Variants in TMEM123 observed in about 807,000 individuals in gnomAD.
TMEM123 encodes the protein transmembrane protein 123.
Under a neutral mutation model 19.7 loss-of-function variants are expected in TMEM123, and 16 were observed. The observed-to-expected ratio is 0.81, with a 90% confidence interval of 0.55 to 1.23. TMEM123 has a LOEUF of 1.23. TMEM123 is among the 50% of genes most tolerant of loss of function. The pLI, the probability that TMEM123 is intolerant of heterozygous loss-of-function variation, is 0.00. For synonymous variants in TMEM123, 118 were observed against 99.4 expected (o/e 1.19, Z -1.12); for missense variants, 313 against 257.8 (o/e 1.21, Z -1.47).
In TMEM123 at chr11:102,418,627, G is replaced by T. The variant is rs536560325; in HGVS notation, c.158-16421C>A. 6.9e-4 allele frequency among the ~76,000 whole-genome samples: 105 copies of T among 152,214 alleles called. 1 individual carries two copies. The highest frequency in any genetic ancestry group is 1.4e-3 in the Non-Finnish European group (93 of 68,024). ...AAGATTTCACAAAGAACTTACAATA[G>T]AACTACCATTTGACCTAGCAATCCC... On this transcript the variant is annotated intron_variant, in intron 2 of 4. Transcript: ENST00000398136.
At chr11:102,435,120 G>C (rs575828533) in intron 2 of TMEM123, among the ~76,000 whole-genome samples, 1 of 151,938 alleles carries the variant, frequency 6.6e-6, no homozygotes, top group African/African-American at 2.4e-5. Flanking sequence ...CAGAAGGATT[G>C]CTTGAGCCCA....
intron 2 of TMEM123, among the ~76,000 whole-genome samples, chr11:102,402,973 C>T (rs12290870): frequency 0.011 from 1,708 of 152,206 alleles, 33 homozygotes; most frequent in African/African-American, 0.039. Flanking sequence ...ATAATGTAAA[C>T]AGAAACATAT....
chr11:102,450,337 A>T (rs531375474), intron 1 of TMEM123, among the ~76,000 whole-genome samples: 1 of 152,178 alleles, frequency 6.6e-6, no homozygotes, highest in Non-Finnish European at 1.5e-5. Context: ...TTCTTTCCAC[A>T]GTTGTTCAAG....
chr11:102,401,427 A>G (rs1396507110), intron 4 of TMEM123, 112 bp downstream of exon 4: 1 of 1,037,322 alleles, frequency 9.6e-7, no homozygotes, highest in African/African-American at 1.7e-5. Flanking sequence ...AATATAACTC[A>G]TAAATCTATC....
intron 2 of TMEM123, among the ~76,000 whole-genome samples, chr11:102,414,002 A>G (rs186919758): frequency 1.2e-4 from 19 of 152,330 alleles, no homozygotes; most frequent in Admixed American, 5.2e-4. Flanking sequence ...CAAAATAGCA[A>G]TTTTAAGAAA....
chr11:102,400,820 A>G (rs951499866), intron 4 of TMEM123, among the ~76,000 whole-genome samples: 1 of 152,224 alleles, frequency 6.6e-6, no homozygotes, highest in Non-Finnish European at 1.5e-5. Context: ...CGGAAGTGTG[A>G]GAACTAAATG....
intron 2 of TMEM123, among the ~76,000 whole-genome samples, chr11:102,440,729 C>T (rs1178208451): frequency 6.6e-6 from 1 of 152,162 alleles, no homozygotes; most frequent in African/African-American, 2.4e-5. Context: ...GGGGTAAATG[C>T]TCCAATTAAA....
intron 2 of TMEM123, among the ~76,000 whole-genome samples, chr11:102,426,562 A>G (rs1185726156): frequency 6.6e-6 from 1 of 152,008 alleles, no homozygotes; most frequent in Admixed American, 6.6e-5. Flanking sequence ...CAAAGTGCTC[A>G]TCGTAAAAGA....
chr11:102,407,759 G>A (rs763175084), intron 2 of TMEM123, among the ~76,000 whole-genome samples: 45 of 151,994 alleles, frequency 3.0e-4, no homozygotes, highest in Non-Finnish European at 5.6e-4. Flanking sequence ...GCATGGAACA[G>A]ATTCTCTCAA....
Position 102,435,573 on chromosome 11 carries a change from T to C in TMEM123, c.157+13239A>G, listed in dbSNP as rs778024162. On this transcript the variant is annotated intron_variant, in intron 2 of 4. Transcript: ENST00000398136. ...CCATATGACCTAGCAATTCTACTCC[T>C]AGGTATATTCCCAGTAAAAATGAAA... Among the ~76,000 whole-genome samples, 54 of 152,038 alleles carry C rather than the reference T, an allele frequency of 3.6e-4. 3 individuals are homozygous for C. The highest frequency in any genetic ancestry group is 2.8e-3 in the Admixed American group (42 of 15,228).
At chr11:102,438,898 G>A (rs1223362794) in intron 2 of TMEM123, among the ~76,000 whole-genome samples, 4 of 152,176 alleles carry the variant, frequency 2.6e-5, no homozygotes, top group East Asian at 1.9e-4. Flanking sequence ...CTAATACTGC[G>A]CTTTTCCAAT....
At chr11:102,425,069 T>A (rs558979676) in intron 2 of TMEM123, among the ~76,000 whole-genome samples, 1 of 152,366 alleles carries the variant, frequency 6.6e-6, no homozygotes, top group African/African-American at 2.4e-5. Flanking sequence ...GATGATAGCA[T>A]ATGTGTCTAA....
intron 2 of TMEM123, among the ~76,000 whole-genome samples, chr11:102,409,358 T>C (rs1238929537): frequency 6.6e-6 from 1 of 152,148 alleles, no homozygotes; most frequent in Non-Finnish European, 1.5e-5. Context: ...CATGAAAACC[T>C]TGAGAATCTC....
rs570950355 is a variant in TMEM123, at chr11:102,439,597, C to T, written c.157+9215G>A. Among the ~76,000 whole-genome samples the T allele has an allele frequency of 2.5e-4, 38 of 152,286 alleles. 1 individual carries two copies. The highest frequency in any genetic ancestry group is 6.8e-3 in the Middle Eastern group (2 of 294). ...ATAAAACCACAAAGATGGGGAGAAA[C>T]CAGAGCAGAAAAGCTGAAAATTCTA... On this transcript the variant is annotated intron_variant, in intron 2 of 4. Coordinates refer to ENST00000398136, the MANE Select transcript of TMEM123 (RefSeq NM_052932.3).
chr11:102,399,334 A>T (rs925213861), intron 4 of TMEM123, among the ~76,000 whole-genome samples: 2 of 152,136 alleles, frequency 1.3e-5, no homozygotes, highest in East Asian at 3.9e-4. Context: ...AGTCCCAGCT[A>T]CTCAGCAGGC....
At position 102,398,776 on chromosome 11, in the gene TMEM123, A is replaced by G; in HGVS notation, c.*91T>C. ...GCATGGCCTGTTTATACTATTTTCA[A>G]AAAGAGAATATTGTTTTAAACTATT... On this transcript the variant is annotated 3_prime_UTR_variant, in exon 5 of 5. Transcript: ENST00000398136. 7.5e-7 allele frequency: 1 copy of G among 1,339,812 alleles called. No individual in the cohort carries two copies. 83.0% of individuals were successfully genotyped at this position (1,339,812 alleles called of 1,614,324 possible).
intron 2 of TMEM123, among the ~76,000 whole-genome samples, chr11:102,409,638 G>A (rs899034558): frequency 2.3e-4 from 35 of 152,050 alleles, no homozygotes; most frequent in African/African-American, 3.4e-4. Context: ...AGGCCCAGGC[G>A]GGCAGGCGGG....
chr11:102,442,540 G>C (rs958343318), intron 2 of TMEM123, among the ~76,000 whole-genome samples: 4 of 152,080 alleles, frequency 2.6e-5, no homozygotes, highest in African/African-American at 9.7e-5. Flanking sequence ...TTGATGGAAC[G>C]TATCTCAAAA....
At chr11:102,408,107 CAG>C (rs1373079996) in intron 2 of TMEM123, among the ~76,000 whole-genome samples, 1 of 152,028 alleles carries the variant, frequency 6.6e-6, no homozygotes, top group Non-Finnish European at 1.5e-5. Flanking sequence ...AGATGTCAAT[CAG>C]AGATATAAGA....
Sources: allele counts gnomAD v4.1 joint callset (sites outside exome capture counted in the v4.1 genomes callset), GRCh38; gene constraint gnomAD v4.1.1; transcripts MANE v1.5; gene names NCBI Gene and HGNC (gene_info 2026-07-23, HGNC 2026-07-21).